SIM2: variants seen among roughly 807,000 people sequenced by gnomAD.
SIM2 encodes the protein single-minded homolog 2.
SIM2 carries 28 observed loss-of-function variants against 64.8 expected under a neutral mutation model. That is an observed-to-expected ratio of 0.43 (90% CI 0.32 to 0.59). The LOEUF (loss-of-function observed/expected upper bound fraction) is 0.59. Among genes scored for constraint, SIM2 ranks in the 20% least tolerant of loss-of-function variants. The pLI is 0.07. For synonymous variants in SIM2, 408 were observed against 391.1 expected, an observed-to-expected ratio of 1.04 and a Z score of -0.51; for missense variants, 847 against 871.4, an observed-to-expected ratio of 0.97 and a Z score of 0.35.
In SIM2 at chr21:36,723,135, G is replaced by A. The variant is rs200328458; in HGVS notation, c.543+5G>A. ...CTGACCTGCAGCGGATACAAGGTACGGGGAGTCATGGGTGCGGGGAGGAGC... is the reference window on the plus strand; with the variant it reads ...CTGACCTGCAGCGGATACAAGGTACAGGGAGTCATGGGTGCGGGGAGGAGC... On this transcript the variant is annotated splice_donor_5th_base_variant and intron_variant, in intron 5 of 10. Coordinates refer to ENST00000290399, the MANE Select transcript of SIM2 (RefSeq NM_005069.6). 133 of 1,612,178 alleles carry A rather than the reference G, an allele frequency of 8.2e-5. No homozygotes were observed. The Middle Eastern group carries it at 2.2e-3, about 26-fold the overall frequency.
At chr21:36,742,639 A>G (rs180897151) in intron 8 of SIM2, among the ~76,000 whole-genome samples, 6 of 152,088 alleles carry the variant, frequency 3.9e-5, no homozygotes, top group Non-Finnish European at 5.9e-5. Flanking sequence ...CACCATAGCT[A>G]TTGTACGTTC....
intron 1 of SIM2, chr21:36,701,524 C>T (rs967186350): frequency 2.6e-5 from 4 of 152,294 alleles, no homozygotes; most frequent in Non-Finnish European, 5.9e-5. Context: ...GGAAGCGGAC[C>T]CTAGGCCTCT....
In SIM2 at chr21:36,699,754, A is replaced by G; in HGVS notation, c.8A>G (p.Glu3Gly). ...GCCCGGAGCCGAGGCGCGATGAAGGAGAAGTCCAAGAATGCGGCCAAGACC... is the reference window on the plus strand; with the variant it reads ...GCCCGGAGCCGAGGCGCGATGAAGGGGAAGTCCAAGAATGCGGCCAAGACC... MK[E>G]KSKNAAKTRR... The change falls in exon 1 of 11, where the codon GAG becomes GGG. Residue 3 changes from glutamate (E) to glycine (G), a missense_variant. Coordinates refer to ENST00000290399, the MANE Select transcript of SIM2 (RefSeq NM_005069.6). The surrounding 1 kb of genome is among the most constrained non-coding windows in gnomAD (Gnocchi z 5.6). 1.2e-6 allele frequency: 2 copies of G among 1,612,542 alleles called. No individual in the cohort carries two copies. Among genetic ancestry groups the G allele is most frequent in the African/African-American group, 1.3e-5 (1 of 74,842 alleles).
At position 36,700,518 on chromosome 21, in the gene SIM2, C is replaced by T. The variant is rs117911688; in HGVS notation, c.175+597C>T. 6.1e-3 allele frequency among the ~76,000 whole-genome samples: 931 copies of T among 152,224 alleles called. 5 individuals carry two copies. Among genetic ancestry groups the T allele is most frequent in the Non-Finnish European group, 0.011 (731 of 68,028 alleles). On this transcript the variant is annotated intron_variant, in intron 1 of 10. Coordinates refer to ENST00000290399, the MANE Select transcript of SIM2 (RefSeq NM_005069.6). ...TCCCCATCCCTTCCTTTCTTTATCC[C>T]TCCTTCCCTTCCTCCTTTTCTTTCT... is the stretch of plus-strand genomic sequence containing the variant.
intron 2 of SIM2, among the ~76,000 whole-genome samples, 199 bp from the exon 3 acceptor site, chr21:36,712,334 A>G (rs1005494899): frequency 1.3e-5 from 2 of 152,230 alleles, no homozygotes; most frequent in Non-Finnish European, 2.9e-5. Context: ...AAAGCATTTC[A>G]GAGCCTGGCC....
intron 7 of SIM2, among the ~76,000 whole-genome samples, chr21:36,733,391 A>AT (rs1251400911): frequency 6.6e-6 from 1 of 151,524 alleles, no homozygotes. Context: ...CGCCTGGCTA[A>AT]TTTTTTTAGT....
intron 3 of SIM2, among the ~76,000 whole-genome samples, chr21:36,719,425 C>T (rs1239882251): frequency 1.3e-5 from 2 of 152,254 alleles, no homozygotes; most frequent in Non-Finnish European, 2.9e-5. Flanking sequence ...CACCCAGTCC[C>T]CTCAGATCGC....
chr21:36,731,586 A>G (rs1274844020), intron 7 of SIM2, among the ~76,000 whole-genome samples: 1 of 152,172 alleles, frequency 6.6e-6, no homozygotes, highest in Non-Finnish European at 1.5e-5. Flanking sequence ...ACCAGTGAGG[A>G]TGCTGAGGTC....
At chr21:36,731,004 T>C (rs1409989945) in intron 6 of SIM2, 41 bp from the exon 7 acceptor site, 1 of 1,419,468 alleles carries the variant, frequency 7.0e-7, no homozygotes, top group Non-Finnish European at 1.0e-6. Flanking sequence ...AAAGGCAGTC[T>C]GCAGAGTGGC....
intron 7 of SIM2, 47 bp downstream of exon 7, chr21:36,731,198 G>C: frequency 6.9e-7 from 1 of 1,444,704 alleles, no homozygotes; most frequent in Non-Finnish European, 9.7e-7. Context: ...TGGTCAGGGA[G>C]GAGGCGCTGA....
chr21:36,748,863 G>C lies in SIM2; in HGVS notation c.*771G>C, dbSNP rs2089278018. ...GCAAAAATATATATGTAGCCAGACA[G>C]TTTATGAGAATGACCCTGTCAAGCT... is the stretch of plus-strand genomic sequence containing the variant. On this transcript the variant is annotated 3_prime_UTR_variant, in exon 11 of 11. Coordinates refer to ENST00000290399, the MANE Select transcript of SIM2 (RefSeq NM_005069.6). The C allele has an allele frequency of 6.6e-6, 1 of 152,590 alleles. No individual in the cohort carries two copies. The highest frequency in any genetic ancestry group is 1.5e-5 in the Non-Finnish European group (1 of 68,052). 9.5% of individuals were successfully genotyped at this position (152,590 alleles called of 1,614,324 possible). A position where few individuals can be genotyped will look rare whatever the true frequency, so the allele number is the denominator to read the frequency against.
chr21:36,712,835 G>A (rs2088695586), intron 3 of SIM2, among the ~76,000 whole-genome samples: 1 of 152,014 alleles, frequency 6.6e-6, no homozygotes, highest in South Asian at 2.1e-4. Flanking sequence ...TTTCCCTTGG[G>A]GTTTCATGAC....
At chr21:36,743,261 C>A in intron 8 of SIM2, 126 bp from the exon 9 acceptor site, 2 of 818,348 alleles carry the variant, frequency 2.4e-6, no homozygotes, top group Non-Finnish European at 3.9e-6. Context: ...AAATCCCATC[C>A]ACATCCAATC....
intron 2 of SIM2, among the ~76,000 whole-genome samples, chr21:36,711,603 A>G (rs1429093897): frequency 6.6e-6 from 1 of 152,222 alleles, no homozygotes; most frequent in African/African-American, 2.4e-5. Context: ...GGTTTCAATT[A>G]CATGCTGTAA....
intron 2 of SIM2, chr21:36,709,901 T>A (rs1180620468): frequency 6.0e-6 from 1 of 165,746 alleles, no homozygotes; most frequent in African/African-American, 2.4e-5. Flanking sequence ...CGATCTCGGC[T>A]CACTCCAACC....
rs546398201 is a variant in SIM2 at position 36,700,527 on chromosome 21, T to G, written c.175+606T>G. On this transcript the variant is annotated intron_variant, in intron 1 of 10. Transcript: ENST00000290399. Reference sequence around the variant, plus strand: ...CTTCCTTTCTTTATCCCTCCTTCCCTTCCTCCTTTTCTTTCTACGATTCCC... The same window carrying G: ...CTTCCTTTCTTTATCCCTCCTTCCCGTCCTCCTTTTCTTTCTACGATTCCC... 6.6e-5 allele frequency among the ~76,000 whole-genome samples: 10 copies of G among 152,312 alleles called. No homozygotes were observed. In the East Asian group the frequency reaches 1.9e-3, roughly 29 times the overall value.
chr21:36,740,111 T>TC (rs2089142735), intron 7 of SIM2, among the ~76,000 whole-genome samples: 1 of 145,664 alleles, frequency 6.9e-6, no homozygotes, highest in Non-Finnish European at 1.5e-5. Flanking sequence ...GGCCTTTCAT[T>TC]TTTTTTTTTT....
At chr21:36,717,765 C>T (rs929991858) in intron 3 of SIM2, among the ~76,000 whole-genome samples, 1 of 152,146 alleles carries the variant, frequency 6.6e-6, no homozygotes, top group Admixed American at 6.5e-5. Flanking sequence ...TCTGCCACTC[C>T]GCACCTGGAC....
chr21:36,744,962 C>T lies in SIM2; in HGVS notation c.1402C>T (p.Pro468Ser), dbSNP rs1420401140. The change falls in exon 10 of 11, where the codon CCC becomes TCC. Residue 468 changes from proline (P) to serine (S), a missense_variant. Physicochemically the swap from Pro to Ser is moderately conservative, Grantham distance 74. Coordinates refer to ENST00000290399, the MANE Select transcript of SIM2 (RefSeq NM_005069.6). ...KPMLPAKFGQ[P>S]QGSPCEVARF... is the part of the protein sequence containing the mutation. Reference sequence around the variant, plus strand: ...AATGTTGCCGGCCAAGTTCGGGCAGCCCCAAGGATCCCCTTGTGAGGTGGC... The same window carrying T: ...AATGTTGCCGGCCAAGTTCGGGCAGTCCCAAGGATCCCCTTGTGAGGTGGC... 6.2e-7 allele frequency: 1 copy of T among 1,614,262 alleles called. No individual in the cohort carries two copies. Among genetic ancestry groups the T allele is most frequent in the South Asian group, 1.1e-5 (1 of 91,092 alleles).
Sources: gnomAD v4.1 joint callset for allele counts (sites outside exome capture counted in the v4.1 genomes callset) on GRCh38, gnomAD v4.1.1 for gene constraint, Gnocchi (gnomAD v3.1) non-coding constraint, MANE v1.5 for transcripts, NCBI Gene and HGNC (gene_info 2026-07-23, HGNC 2026-07-21) for gene names.